The following HLCS variants were observed in gnomAD, a reference collection of about 807,000 sequenced individuals.
HLCS encodes the protein holocarboxylase synthetase.
Under a neutral mutation model 75.0 loss-of-function variants are expected in HLCS, and 53 were observed. That is an observed-to-expected ratio of 0.71 (90% confidence interval 0.57 to 0.89). HLCS has a LOEUF of 0.89. Ranked by LOEUF, HLCS falls within the 40% of genes least tolerant of loss-of-function variation. The pLI, the probability that HLCS is intolerant of heterozygous loss-of-function variation, is 0.00. For synonymous variants in HLCS, 431 were observed against 428.6 expected (o/e 1.01, Z -0.07); for missense variants, 966 against 1,074.0 (o/e 0.90, Z 1.41).
At chr21:36,967,801 G>A (rs8126588), upstream of HLCS, among the ~76,000 whole-genome samples, 61,987 of 150,798 alleles carry the variant, frequency 0.41, 13,364 homozygotes, top group South Asian at 0.53. Flanking sequence ...CTCACTGCAA[G>A]CTCTGCCTCC....
At chr21:36,870,160 C>T (rs8130819) in intron 6 of HLCS, among the ~76,000 whole-genome samples, 2 of 152,046 alleles carry the variant, frequency 1.3e-5, no homozygotes, top group African/African-American at 4.8e-5. Flanking sequence ...GTGTCTCGCC[C>T]CAGTACTGCT....
intron 6 of HLCS, among the ~76,000 whole-genome samples, chr21:36,847,286 C>T (rs1386242739): frequency 6.6e-6 from 1 of 152,214 alleles, no homozygotes; most frequent in East Asian, 1.9e-4. Context: ...GTATTTAGCA[C>T]AGGATTTGGT....
At chr21:36,974,671 T>C (rs527609490) in intron 1 of HLCS, 1 of 152,286 alleles carries the variant, frequency 6.6e-6, no homozygotes, top group East Asian at 1.9e-4. Context: ...ACCTAATCTG[T>C]TATGACTGGT....
chr21:36,901,087 C>T (rs1456277011), intron 5 of HLCS, among the ~76,000 whole-genome samples: 2 of 151,996 alleles, frequency 1.3e-5, no homozygotes, highest in African/African-American at 4.8e-5. Flanking sequence ...ATGGTGAAAC[C>T]CCACCTCTAC....
chr21:36,855,787 A>C (rs907627040), intron 6 of HLCS, among the ~76,000 whole-genome samples: 1 of 152,026 alleles, frequency 6.6e-6, no homozygotes, highest in Non-Finnish European at 1.5e-5. Flanking sequence ...TGTGTTTCCC[A>C]GGCTGGTCTC....
chr21:36,910,896 CT>C (rs2146397688), intron 5 of HLCS, among the ~76,000 whole-genome samples: 1 of 152,248 alleles, frequency 6.6e-6, no homozygotes, highest in East Asian at 1.9e-4. Flanking sequence ...TGTTCTGCCA[CT>C]AGCCCCAAGC....
intron 6 of HLCS, among the ~76,000 whole-genome samples, chr21:36,855,569 A>C (rs1367621822): frequency 6.7e-6 from 1 of 148,266 alleles, no homozygotes; most frequent in African/African-American, 2.5e-5. Flanking sequence ...AAAAGGTTAA[A>C]GGTGGCAGTA....
chr21:36,888,923 C>G (rs1030060417), intron 6 of HLCS, among the ~76,000 whole-genome samples: 1 of 152,126 alleles, frequency 6.6e-6, no homozygotes, highest in Non-Finnish European at 1.5e-5. Flanking sequence ...CACCACACAT[C>G]GCTCCTATAT....
rs546590631 is a variant in HLCS at position 36,822,426 on chromosome 21, T to C, written c.1893-55141A>G. ...GCCTGGGTGACGGAGCAAGACTCTG[T>C]CTTGGAAAAGAAAAAAAAAGCATCA... On this transcript the variant is annotated intron_variant, in intron 6 of 10. Coordinates refer to ENST00000674895, the MANE Select transcript of HLCS (RefSeq NM_001352514.2). 3.9e-5 allele frequency among the ~76,000 whole-genome samples: 6 copies of C among 152,220 alleles called. No homozygotes were observed. The East Asian group carries it at 1.2e-3, about 29-fold the overall frequency.
rs185616127 is a variant in HLCS, at chr21:36,939,591, T to A, written c.331-597A>T. On this transcript the variant is annotated intron_variant, in intron 2 of 10. Coordinates refer to ENST00000674895, the MANE Select transcript of HLCS (RefSeq NM_001352514.2). ...AATCCAAAAAGACTCTCCAGACAGT[T>A]CCTCCCTGTAAGGAGGTTCACGTTC... Among the ~76,000 whole-genome samples the A allele has an allele frequency of 3.9e-3, 600 of 152,098 alleles. 1 individual carries two copies. The highest frequency in any genetic ancestry group is 5.2e-3 in the Non-Finnish European group (354 of 67,998).
chr21:36,761,799 C>T (rs1472126531), intron 8 of HLCS, among the ~76,000 whole-genome samples: 2 of 152,358 alleles, frequency 1.3e-5, no homozygotes, highest in East Asian at 3.9e-4. Flanking sequence ...TTCCCACATC[C>T]CCCTGTGCCC....
intron 4 of HLCS, among the ~76,000 whole-genome samples, chr21:36,935,756 A>AC (rs1366687863): frequency 1.3e-5 from 2 of 152,256 alleles, no homozygotes; most frequent in African/African-American, 2.4e-5. Context: ...AAACAAACAA[A>AC]AAGCTAAAAG....
chr21:36,869,117 T>A (rs796726501), intron 6 of HLCS, among the ~76,000 whole-genome samples: 25,162 of 119,312 alleles, frequency 0.21, 4,756 homozygotes, highest in African/African-American at 0.48. Context: ...TTTATTTATT[T>A]ATTTATTTAT....
rs759547608 is a variant in HLCS, at chr21:36,750,446, G to C, written c.*3800C>G. The stretch of plus-strand genomic sequence containing the variant: ...CTGGGTGTGGAGGGCAGCGCGGAGG[G>C]TATCTGCAAGAGCCTGTATTTTCCG... On this transcript the variant is annotated 3_prime_UTR_variant, in exon 11 of 11. Coordinates refer to ENST00000674895, the MANE Select transcript of HLCS (RefSeq NM_001352514.2). Among the ~76,000 whole-genome samples, 149 of 152,110 alleles carry C rather than the reference G, an allele frequency of 9.8e-4. No homozygotes were observed. Among genetic ancestry groups the C allele is most frequent in the Non-Finnish European group, 1.8e-3 (121 of 68,016 alleles).
intron 6 of HLCS, among the ~76,000 whole-genome samples, chr21:36,787,706 C>T (rs533760912): frequency 1.3e-4 from 20 of 152,076 alleles, no homozygotes; most frequent in Non-Finnish European, 2.9e-5. Flanking sequence ...CAGAGCCGCT[C>T]GACCATGAGG....
rs560937640 is a variant in HLCS at position 36,759,552 on chromosome 21, C to G, written c.2236+175G>C. Among the ~76,000 whole-genome samples, 283 of 152,224 alleles carry G rather than the reference C, an allele frequency of 1.9e-3. 3 individuals carry two copies. The highest frequency in any genetic ancestry group is 3.2e-3 in the Non-Finnish European group (220 of 68,020). On this transcript the variant is annotated intron_variant, in intron 9 of 10. Transcript: ENST00000674895. ...TGGTCACACACAGAAAATGCTAAAC[C>G]CTGTGAAGTGCTTTCGACCAATCTC... is the stretch of plus-strand genomic sequence containing the variant.
At chr21:36,875,196 C>T (rs2063921656) in intron 6 of HLCS, among the ~76,000 whole-genome samples, 1 of 152,166 alleles carries the variant, frequency 6.6e-6, no homozygotes, top group Non-Finnish European at 1.5e-5. Flanking sequence ...GGCAGACAGG[C>T]TCCTAAGCAG....
chr21:36,957,800 G>A (rs914557786), intron 2 of HLCS, among the ~76,000 whole-genome samples: 3 of 151,460 alleles, frequency 2.0e-5, no homozygotes, highest in African/African-American at 7.3e-5. Flanking sequence ...GTTGTGGCAC[G>A]CGCCTGCAGT....
chr21:36,947,875 T>G lies in HLCS; in HGVS notation c.331-8881A>C, dbSNP rs113605204. On this transcript the variant is annotated intron_variant, in intron 2 of 10. Transcript: ENST00000674895. ...CTGGTACCCAGAGTCAGATCACGGA[T>G]GCTGCTAATTTTTCTGACTCTTGTT... 1.4e-3 allele frequency: 1,334 copies of G among 985,422 alleles called. 14 individuals are homozygous for G. In the African/African-American group the frequency reaches 0.022, roughly 16 times the overall value. 61.0% of individuals were successfully genotyped at this position (985,422 alleles called of 1,614,324 possible).
Sources: gnomAD v4.1 joint callset for allele counts (sites outside exome capture counted in the v4.1 genomes callset) on GRCh38, gnomAD v4.1.1 for gene constraint, MANE v1.5 for transcripts, NCBI Gene and HGNC (gene_info 2026-07-23, HGNC 2026-07-21) for gene names.